RSPRY1: variants seen among roughly 807,000 people sequenced by gnomAD.
The protein encoded by RSPRY1 is RING finger and SPRY domain-containing protein 1.
RSPRY1 carries 23 observed loss-of-function variants against 73.1 expected under a neutral mutation model. That is an observed-to-expected ratio of 0.31 (90% CI 0.23 to 0.45). The LOEUF is 0.45. Among genes scored for constraint, RSPRY1 ranks in the 20% least tolerant of loss-of-function variants. The pLI is 1.00. For missense variants in RSPRY1, 448 were observed against 698.7 expected (o/e 0.64, Z 4.05); for synonymous variants, 226 against 251.4 (o/e 0.90, Z 0.95).
intron 1 of RSPRY1, among the ~76,000 whole-genome samples, chr16:57,194,409 TAATAA>T (rs1470600303): frequency 1.3e-5 from 2 of 152,198 alleles, no homozygotes. Flanking sequence ...GAAAATTTCA[TAATAA>T]AATATTGGGA....
chr16:57,216,393 T>C (rs2074940754), intron 7 of RSPRY1: 1 of 493,538 alleles, frequency 2.0e-6, no homozygotes. Context: ...GTTTACTCAC[T>C]TTTTATAGCC....
At chr16:57,210,525 A>C (rs2074820378) in intron 4 of RSPRY1, among the ~76,000 whole-genome samples, 1 of 151,868 alleles carries the variant, frequency 6.6e-6, no homozygotes, top group South Asian at 2.1e-4. Context: ...CAGCATGGTG[A>C]AACCCCGTCT....
At chr16:57,199,697 T>A (rs1202695845) in intron 1 of RSPRY1, among the ~76,000 whole-genome samples, 1 of 152,094 alleles carries the variant, frequency 6.6e-6, no homozygotes, top group Non-Finnish European at 1.5e-5. Context: ...GATTTTTTTT[T>A]AATAAAATAC....
chr16:57,194,883 T>C (rs957157120), intron 1 of RSPRY1, among the ~76,000 whole-genome samples: 20 of 152,300 alleles, frequency 1.3e-4, no homozygotes, highest in Admixed American at 5.2e-4. Flanking sequence ...CTGTTTATGA[T>C]GGTAGAGGTC....
chr16:57,189,903 T>C (rs563068572), intron 1 of RSPRY1, among the ~76,000 whole-genome samples: 109 of 152,212 alleles, frequency 7.2e-4, no homozygotes, highest in African/African-American at 2.3e-3. Context: ...GTGAGCTTAA[T>C]TTAGTCTGTT....
At position 57,216,919 on chromosome 16, in the gene RSPRY1, C is replaced by G. The variant is rs1409168660; in HGVS notation, c.785C>G (p.Thr262Ser). Residue 262 changes from threonine (T) to serine (S), a missense_variant, in exon 8 of 15, where the codon ACT becomes AGT. Thr to Ser is a moderately conservative substitution (Grantham distance 58). Transcript: ENST00000394420. ...TTCCAAACAGGTGAAAATAAATTGA[C>G]TATTTCTGAATCCAGTATTAGTGAC... ...KFAQTSENKLTISESSISDRL... is the reference protein window; with the variant it reads ...KFAQTSENKLSISESSISDRL... The G allele has an allele frequency of 1.2e-6, 2 of 1,612,952 alleles. No homozygotes were observed. The highest frequency in any genetic ancestry group is 1.7e-6 in the Non-Finnish European group (2 of 1,179,120).
At chr16:57,188,874 G>A (rs2074299380) in intron 1 of RSPRY1, among the ~76,000 whole-genome samples, 1 of 151,952 alleles carries the variant, frequency 6.6e-6, no homozygotes, top group Admixed American at 6.6e-5. Context: ...ATATTCTGTG[G>A]ATCTTTTTAA....
chr16:57,204,442 A>T, intron 1 of RSPRY1, 62 bp from the exon 2 acceptor site: 1 of 507,404 alleles, frequency 2.0e-6, no homozygotes, highest in Non-Finnish European at 3.5e-6. Context: ...GACTAGGAAA[A>T]TTTGAGTAAT....
chr16:57,213,033 C>G lies in RSPRY1; in HGVS notation c.578C>G (p.Ser193Ter). 1 of 1,614,080 alleles carries G rather than the reference C, an allele frequency of 6.2e-7. No individual in the cohort carries two copies. The highest frequency in any genetic ancestry group is 8.5e-7 in the Non-Finnish European group (1 of 1,179,962). The change falls in exon 5 of 15, where the codon TCA becomes TGA. Residue 193 changes from serine to a stop codon, truncating the protein, a stop_gained. Transcript: ENST00000394420. LOFTEE classifies it high-confidence loss of function. ...NLNGEVACQD[S>*]SHPAKHRNTS... The stretch of plus-strand genomic sequence containing the variant: ...AATGGAGAAGTAGCTTGCCAGGACT[C>G]AAGCCATCCTGCCAAACACAGGAAC...
At chr16:57,223,251 C>T (rs920772882) in intron 10 of RSPRY1, among the ~76,000 whole-genome samples, 1 of 152,144 alleles carries the variant, frequency 6.6e-6, no homozygotes, top group African/African-American at 2.4e-5. Flanking sequence ...CTAGGATACA[C>T]CCAGTTTCAA....
chr16:57,231,959 A>G (rs1198211838), intron 13 of RSPRY1, among the ~76,000 whole-genome samples: 2 of 152,232 alleles, frequency 1.3e-5, no homozygotes, highest in Non-Finnish European at 2.9e-5. Context: ...AATGTAGTCT[A>G]TTCCTTAGGC....
At chr16:57,234,180 C>A (rs1286611000) in intron 13 of RSPRY1, among the ~76,000 whole-genome samples, 2 of 152,162 alleles carry the variant, frequency 1.3e-5, no homozygotes, top group African/African-American at 4.8e-5. Flanking sequence ...ACACACCAGG[C>A]CTATGATAGC....
At chr16:57,209,037 A>G in intron 3 of RSPRY1, 38 bp from the exon 4 acceptor site, 2 of 1,313,482 alleles carry the variant, frequency 1.5e-6, no homozygotes, top group Non-Finnish European at 2.2e-6. Flanking sequence ...TTTTAAAAAT[A>G]GTGACTCCAT....
At chr16:57,200,646 C>T (rs2074558332) in intron 1 of RSPRY1, among the ~76,000 whole-genome samples, 1 of 143,770 alleles carries the variant, frequency 7.0e-6, no homozygotes, top group African/African-American at 2.6e-5. Context: ...GACGGGGCGG[C>T]TGGCCGGGCG....
chr16:57,197,010 C>T (rs1431874306), intron 1 of RSPRY1, among the ~76,000 whole-genome samples: 1 of 152,168 alleles, frequency 6.6e-6, no homozygotes, highest in Non-Finnish European at 1.5e-5. Flanking sequence ...GGGACTTTCA[C>T]CTAGTCTGAC....
At chr16:57,201,518 C>T (rs1311004150) in intron 1 of RSPRY1, among the ~76,000 whole-genome samples, 2 of 152,066 alleles carry the variant, frequency 1.3e-5, no homozygotes, top group Admixed American at 6.5e-5. Flanking sequence ...AGACGATGGG[C>T]GGCCAGGCAG....
chr16:57,216,258 A>C, intron 7 of RSPRY1, 85 bp downstream of exon 7: 1 of 970,502 alleles, frequency 1.0e-6, no homozygotes, highest in South Asian at 1.3e-5. Flanking sequence ...ATAAGCCTAC[A>C]CTTTGAACCC....
chr16:57,190,333 G>T (rs1215102570), intron 1 of RSPRY1, among the ~76,000 whole-genome samples: 1 of 152,126 alleles, frequency 6.6e-6, no homozygotes, highest in African/African-American at 2.4e-5. Context: ...ATTCCAGCCT[G>T]GGTGACAGAG....
intron 4 of RSPRY1, 132 bp from the exon 5 acceptor site, chr16:57,212,840 C>T (rs1186888364): frequency 1.2e-6 from 1 of 827,712 alleles, no homozygotes; most frequent in Admixed American, 2.6e-5. Flanking sequence ...GTGTCGAACT[C>T]TTGACCTTGT....
Sources: allele counts gnomAD v4.1 joint callset (sites outside exome capture counted in the v4.1 genomes callset), GRCh38; gene constraint gnomAD v4.1.1; transcripts MANE v1.5; gene names NCBI Gene and HGNC (gene_info 2026-07-23, HGNC 2026-07-21).